RTL9: variants seen among roughly 807,000 people sequenced by gnomAD.
RTL9 encodes retrotransposon Gag-like protein 9.
RTL9 carries 19 observed loss-of-function variants against 44.7 expected under a neutral mutation model. The ratio of observed to expected loss-of-function variants is 0.42; its 90% CI spans 0.30 to 0.62. The LOEUF (loss-of-function observed/expected upper bound fraction) is 0.62. RTL9 is among the 20% of genes least tolerant of loss of function. The pLI, the probability that RTL9 is intolerant of heterozygous loss-of-function variation, is 0.16. For synonymous variants in RTL9, 407 were observed against 398.9 expected, an observed-to-expected ratio of 1.02 and a Z score of -0.24; for missense variants, 1,105 against 1,080.6, an observed-to-expected ratio of 1.02 and a Z score of -0.32.
chrX:110,413,069 G>A (rs2068651973), intron 1 of RTL9, among the ~76,000 whole-genome samples: 1 of 111,468 alleles, frequency 9.0e-6, no homozygotes, highest in African/African-American at 3.3e-5. Context: ...AAGCCTCCCT[G>A]CTCGTCATCT....
chrX:110,359,197 G>A (rs1343837838), intron 1 of RTL9, among the ~76,000 whole-genome samples: 1 of 110,995 alleles, frequency 9.0e-6, no homozygotes, highest in South Asian at 3.8e-4. Context: ...ATACTGCTTC[G>A]CAACAGAAAC....
chrX:110,397,082 G>A (rs967315078), intron 1 of RTL9, among the ~76,000 whole-genome samples: 2 of 112,041 alleles, frequency 1.8e-5, no homozygotes, highest in African/African-American at 6.5e-5. Context: ...TCCCAGAGCA[G>A]CCACAGTCTG....
upstream of RTL9, chrX:110,450,564 C>T (rs1258009687): frequency 3.8e-6 from 4 of 1,056,623 alleles, no homozygotes; most frequent in Non-Finnish European, 5.2e-6. Context: ...TTCTTGTTTA[C>T]AGATTTTCTT....
At chrX:110,414,376 T>C (rs2068662423), upstream of RTL9, among the ~76,000 whole-genome samples, 1 of 112,333 alleles carries the variant, frequency 8.9e-6, no homozygotes, top group Non-Finnish European at 1.9e-5. Flanking sequence ...CCATGCTCCA[T>C]ACCATGCCAG....
At chrX:110,422,639 C>T (rs969274582) in intron 1 of RTL9, among the ~76,000 whole-genome samples, 6 of 112,442 alleles carry the variant, frequency 5.3e-5, no homozygotes, top group Admixed American at 3.7e-4. Flanking sequence ...GCAGCAGCTA[C>T]CATGCCTGGG....
intron 1 of RTL9, among the ~76,000 whole-genome samples, chrX:110,440,913 C>T (rs991809008): frequency 2.7e-5 from 3 of 111,718 alleles, no homozygotes; most frequent in African/African-American, 6.5e-5. Context: ...CTGGAAAGGA[C>T]GAGGTCCACC....
At chrX:110,452,014 A>G (rs949336851) in exon 1 of RTL9, 5 of 1,210,110 alleles carry the variant, frequency 4.1e-6, no homozygotes, top group Non-Finnish European at 5.6e-6. Context: ...ATGTCCGCAC[A>G]GTTAACAATG....
chrX:110,368,125 G>A (rs1222482562), intron 1 of RTL9, among the ~76,000 whole-genome samples: 1 of 108,989 alleles, frequency 9.2e-6, no homozygotes, highest in African/African-American at 3.3e-5. Context: ...ACAGGTGTGA[G>A]CCACTGCACC....
chrX:110,398,184 C>T (rs2068541091), intron 1 of RTL9, among the ~76,000 whole-genome samples: 1 of 112,241 alleles, frequency 8.9e-6, no homozygotes, highest in Non-Finnish European at 1.9e-5. Flanking sequence ...TGCAGGGTTT[C>T]AGCTTGGCAG....
At chrX:110,381,738 C>T (rs1046543914) in intron 1 of RTL9, among the ~76,000 whole-genome samples, 1 of 111,076 alleles carries the variant, frequency 9.0e-6, no homozygotes, top group Non-Finnish European at 1.9e-5. Context: ...ACTACCCAGC[C>T]ATAAAAATGA....
At chrX:110,411,925 T>C (rs1429502404) in intron 1 of RTL9, among the ~76,000 whole-genome samples, 7 of 112,453 alleles carry the variant, frequency 6.2e-5, no homozygotes, top group African/African-American at 2.3e-4. Context: ...ACTCAATAAA[T>C]ACTTGTTGAA....
Position 110,407,056 on chromosome X carries a change from C to T in RTL9, c.-167-38097C>T, listed in dbSNP as rs534173079. Among the ~76,000 whole-genome samples, 16 of 111,441 alleles carry T rather than the reference C, an allele frequency of 1.4e-4. No homozygotes were observed. The South Asian group carries it at 4.5e-3, about 32-fold the overall frequency. On this transcript the variant is annotated intron_variant, in intron 1 of 2. Transcript: ENST00000520821. The stretch of plus-strand genomic sequence containing the variant: ...TTTTCCTCGGAAAGCTCTGGTATTG[C>T]GCAAACGCTGCTTTAGGTGATTAAC...
intron 1 of RTL9, among the ~76,000 whole-genome samples, chrX:110,392,443 AT>A (rs2068501408): frequency 9.1e-6 from 1 of 110,214 alleles, no homozygotes. Flanking sequence ...TGCCTGGCTA[AT>A]TTATTTTATT....
intron 1 of RTL9, among the ~76,000 whole-genome samples, chrX:110,436,029 A>G (rs763024822): frequency 7.1e-5 from 8 of 112,659 alleles, no homozygotes; most frequent in Non-Finnish European, 1.1e-4. Context: ...CCACTGTGCT[A>G]TTAACCAGTA....
At chrX:110,382,484 G>A (rs532178986) in intron 1 of RTL9, among the ~76,000 whole-genome samples, 106 of 111,257 alleles carry the variant, frequency 9.5e-4, no homozygotes, top group Middle Eastern at 4.7e-3. Flanking sequence ...GGATTTGAGG[G>A]TTAAACTAAA....
chrX:110,368,600 ACT>A (rs777461220), intron 1 of RTL9, among the ~76,000 whole-genome samples: 18 of 110,805 alleles, frequency 1.6e-4, no homozygotes, highest in African/African-American at 5.6e-4. Context: ...AAAAATTGCC[ACT>A]CTCTGCATGC....
At position 110,439,154 on chromosome X, in the gene RTL9, G is replaced by A. The variant is rs140064192; in HGVS notation, c.-167-5999G>A. The stretch of plus-strand genomic sequence containing the variant: ...AGTCCCCGACAGAAGGACAAGAGGG[G>A]CTGATTCTCCCTTTGTGAGCAGCCA... On this transcript the variant is annotated intron_variant, in intron 1 of 3. Coordinates refer to the RTL9 transcript ENST00000465301. 6.6e-3 allele frequency among the ~76,000 whole-genome samples: 740 copies of A among 111,952 alleles called. 7 individuals carry two copies. Among genetic ancestry groups the A allele is most frequent in the Middle Eastern group, 9.2e-3 (2 of 217 alleles).
chrX:110,453,003 C>A, exon 1 of RTL9: 3 of 1,211,397 alleles, frequency 2.5e-6, no homozygotes, highest in Non-Finnish European at 3.4e-6. Context: ...GATGTCCCTA[C>A]CACTAATGAG....
At chrX:110,450,775 C>T (rs1439339205) in exon 1 of RTL9, 1 of 1,210,118 alleles carries the variant, frequency 8.3e-7, no homozygotes, top group East Asian at 3.0e-5. Flanking sequence ...ATAGTCTCAA[C>T]TTCAGCCTCA....
Sources: allele counts gnomAD v4.1 joint callset (sites outside exome capture counted in the v4.1 genomes callset), GRCh38; gene constraint gnomAD v4.1.1; transcripts MANE v1.5; gene names NCBI Gene and HGNC (gene_info 2026-07-23, HGNC 2026-07-21).